Variants in PCDHGA5 observed in about 807,000 individuals in gnomAD.
PCDHGA5 encodes protocadherin gamma subfamily A, 5.
In PCDHGA5, 36 loss-of-function variants were observed where a neutral mutation model predicts 56.7. The ratio of observed to expected loss-of-function variants is 0.64; its 90% CI spans 0.49 to 0.84. PCDHGA5 has a LOEUF of 0.84. PCDHGA5 is among the 40% of genes least tolerant of loss of function. The pLI, the probability that PCDHGA5 is intolerant of heterozygous loss-of-function variation, is 0.00. For missense variants in PCDHGA5, 1,305 were observed against 1,201.5 expected (o/e 1.09, Z -1.27); for synonymous variants, 563 against 520.2 (o/e 1.08, Z -1.12).
intron 1 of PCDHGA5, chr5:141,478,260 T>C (rs1340624663): frequency 6.2e-7 from 1 of 1,614,182 alleles, no homozygotes; most frequent in East Asian, 2.2e-5. Context: ...GTAATCATAT[T>C]CAAAGTTTAC....
rs754329108 is a variant in PCDHGA5 at position 141,408,309 on chromosome 5, C to T, written c.2421+41558C>T. 1.8e-5 allele frequency: 29 copies of T among 1,613,698 alleles called. No individual in the cohort carries two copies. The highest frequency in any genetic ancestry group is 2.0e-5 in the Non-Finnish European group (24 of 1,179,730). On this transcript the variant is annotated intron_variant, in intron 1 of 3. Transcript: ENST00000518069. ...ACCCTGAGTGAGCCGATCCGCTACT[C>T]GATTCCGGAGGAGCTGGCCAAGGGC...
chr5:141,402,955 G>A (rs753305536), intron 1 of PCDHGA5: 3 of 1,601,910 alleles, frequency 1.9e-6, no homozygotes, highest in Non-Finnish European at 2.6e-6. Context: ...AGGCAGCAAT[G>A]GCAGCTCCAA....
intron 1 of PCDHGA5, chr5:141,375,727 G>T (rs1771811677): frequency 6.2e-7 from 1 of 1,614,262 alleles, no homozygotes; most frequent in East Asian, 2.2e-5. Flanking sequence ...ACGTGTCACT[G>T]AGCCTGTTTG....
intron 1 of PCDHGA5, chr5:141,428,329 A>G (rs928788851): frequency 4.8e-6 from 3 of 627,180 alleles, no homozygotes; most frequent in South Asian, 3.5e-5. Context: ...CTTGATTTCT[A>G]TGCTCTTCTT....
intron 1 of PCDHGA5, 88 bp from the exon 2 acceptor site, chr5:141,494,719 C>T: frequency 6.2e-7 from 1 of 1,605,960 alleles, no homozygotes; most frequent in Non-Finnish European, 8.5e-7. Flanking sequence ...CCACTCCCCT[C>T]CTTCTCTCCC....
At chr5:141,398,905 A>C in intron 1 of PCDHGA5, 1 of 1,613,984 alleles carries the variant, frequency 6.2e-7, no homozygotes, top group Non-Finnish European at 8.5e-7. Context: ...ACCAGGCACC[A>C]CTGTGTTGCA....
intron 1 of PCDHGA5, chr5:141,478,852 A>G (rs2099480601): frequency 7.3e-7 from 1 of 1,367,502 alleles, no homozygotes; most frequent in African/African-American, 1.5e-5. Flanking sequence ...GCTAAAACAC[A>G]AGATCTCAGC....
At chr5:141,375,572 CA>C in intron 1 of PCDHGA5, 2 of 1,614,102 alleles carry the variant, frequency 1.2e-6, no homozygotes, top group Non-Finnish European at 1.7e-6. Flanking sequence ...AGACACCCTC[CA>C]GGGGGCGCCC....
chr5:141,511,361 G>C lies in PCDHGA5; in HGVS notation c.*188G>C, dbSNP rs2099883750. 7.4e-7 allele frequency: 1 copy of C among 1,345,388 alleles called. No individual in the cohort carries two copies. Among genetic ancestry groups the C allele is most frequent in the Non-Finnish European group, 9.9e-7 (1 of 1,006,550 alleles). The allele number at this position is 1,345,388 out of a possible 1,614,324, so 83.3% of individuals were successfully genotyped here. On this transcript the variant is annotated 3_prime_UTR_variant, in exon 4 of 4. Transcript: ENST00000518069. ...CCTACCCCTTCCCCCCCAGGGGGTTGAATATGCAAAAGCAGTTCCGCTGGG... is the reference window on the plus strand; with the variant it reads ...CCTACCCCTTCCCCCCCAGGGGGTTCAATATGCAAAAGCAGTTCCGCTGGG...
chr5:141,489,178 C>T lies in PCDHGA5; in HGVS notation c.2422-5629C>T, dbSNP rs909255357. ...GAGACTTCAGCTGCTGCATTCCAAG[C>T]CCTGGGTCTACCTTGGAGACAGGAC... On this transcript the variant is annotated intron_variant, in intron 1 of 3. Transcript: ENST00000518069. This position sits in a 1 kb window ranked among gnomAD's most constrained non-coding sequence, Gnocchi z 4.5. 54 of 1,234,872 alleles carry T rather than the reference C, an allele frequency of 4.4e-5. 1 individual carries two copies. In the East Asian group the frequency reaches 1.2e-3, roughly 29 times the overall value. 76.5% of individuals were successfully genotyped at this position (1,234,872 alleles called of 1,614,324 possible). A position where few individuals can be genotyped will look rare whatever the true frequency, so the allele number is the denominator to read the frequency against.
intron 1 of PCDHGA5, chr5:141,385,245 G>A: frequency 6.2e-7 from 1 of 1,613,932 alleles, no homozygotes; most frequent in Non-Finnish European, 8.5e-7. Context: ...TCATCAGCCA[G>A]GAGAGCTGTG....
chr5:141,432,104 C>T lies in PCDHGA5; in HGVS notation c.2422-62703C>T. The stretch of plus-strand genomic sequence containing the variant: ...GAACGTGGCAGACACCAACGACAAC[C>T]CGCCGGTCTTCCCTCAGGCCTCCTA... On this transcript the variant is annotated intron_variant, in intron 1 of 3. Coordinates refer to ENST00000518069, the MANE Select transcript of PCDHGA5 (RefSeq NM_018918.3). This position sits in a 1 kb window ranked among gnomAD's most constrained non-coding sequence, Gnocchi z 6.0. 1 of 1,614,204 alleles carries T rather than the reference C, an allele frequency of 6.2e-7. No individual in the cohort carries two copies. The highest frequency in any genetic ancestry group is 1.7e-5 in the Admixed American group (1 of 60,026).
Position 141,491,992 on chromosome 5 carries a change from T to G in PCDHGA5, c.2422-2815T>G. ...GGCCTCCTTCGAGCTTCCGGTGAAT[T>G]TCGGGCGATTTCCGCGGGTGTCGGG... On this transcript the variant is annotated intron_variant, in intron 1 of 3. Transcript: ENST00000518069. This position sits in a 1 kb window ranked among gnomAD's most constrained non-coding sequence, Gnocchi z 6.9. The G allele has an allele frequency of 1.5e-6, 1 of 684,982 alleles. No homozygotes were observed. The highest frequency in any genetic ancestry group is 2.3e-6 in the Non-Finnish European group (1 of 443,370). The allele number at this position is 684,982 out of a possible 1,614,324, so 42.4% of individuals were successfully genotyped here.
Position 141,395,354 on chromosome 5 carries a change from T to A in PCDHGA5, c.2421+28603T>A, listed in dbSNP as rs375237289. ...ATAATTTTTAAGGTGTATCACAGAG[T>A]TTTGGGTTTATTTTGGTGGTGTTAC... On this transcript the variant is annotated intron_variant, in intron 1 of 3. Coordinates refer to ENST00000518069, the MANE Select transcript of PCDHGA5 (RefSeq NM_018918.3). 28 of 1,357,052 alleles carry A rather than the reference T, an allele frequency of 2.1e-5. No homozygotes were observed. The Middle Eastern group carries it at 1.0e-3, about 51-fold the overall frequency. 84.1% of individuals were successfully genotyped at this position (1,357,052 alleles called of 1,614,324 possible).
rs770828917 is a variant in PCDHGA5 at position 141,431,306 on chromosome 5, C to G, written c.2422-63501C>G. ...GAACACTCACTTCTCCCTCATCGTG[C>G]AAAATGGAGCCGACGGTAGTAAGTA... On this transcript the variant is annotated intron_variant, in intron 1 of 3. Transcript: ENST00000518069. The surrounding 1 kb of genome is among the most constrained non-coding windows in gnomAD (Gnocchi z 4.8). 6.2e-7 allele frequency: 1 copy of G among 1,614,124 alleles called. No homozygotes were observed. The highest frequency in any genetic ancestry group is 2.2e-5 in the East Asian group (1 of 44,878).
At chr5:141,371,158 T>C in intron 1 of PCDHGA5, 1 of 1,614,040 alleles carries the variant, frequency 6.2e-7, no homozygotes, top group Non-Finnish European at 8.5e-7. Context: ...GCAGAGAACC[T>C]GCCCGCTGGC....
chr5:141,476,952 T>A lies in PCDHGA5; in HGVS notation c.2422-17855T>A, dbSNP rs1463851594. On this transcript the variant is annotated intron_variant, in intron 1 of 3. Transcript: ENST00000518069. This position sits in a 1 kb window ranked among gnomAD's most constrained non-coding sequence, Gnocchi z 7.6. ...CTGGATGAAGGCCCCAACGGTGAAA[T>A]TATTTACTCCTTCGGCAGCCACAAC... 1 of 1,614,052 alleles carries A rather than the reference T, an allele frequency of 6.2e-7. No individual in the cohort carries two copies. Among genetic ancestry groups the A allele is most frequent in the Non-Finnish European group, 8.5e-7 (1 of 1,180,038 alleles).
chr5:141,431,776 C>T lies in PCDHGA5; in HGVS notation c.2422-63031C>T. 6.2e-7 allele frequency: 1 copy of T among 1,614,228 alleles called. No individual in the cohort carries two copies. The stretch of plus-strand genomic sequence containing the variant: ...CCAAAGTCCTGATCACTGTTCTGGA[C>T]GTGAACGACAATGCCCCAGAAGTGG... On this transcript the variant is annotated intron_variant, in intron 1 of 3. Coordinates refer to ENST00000518069, the MANE Select transcript of PCDHGA5 (RefSeq NM_018918.3). The surrounding 1 kb of genome is among the most constrained non-coding windows in gnomAD (Gnocchi z 4.8).
intron 1 of PCDHGA5, chr5:141,371,970 C>T: frequency 6.2e-7 from 1 of 1,613,250 alleles, no homozygotes; most frequent in East Asian, 2.2e-5. Context: ...CGAGCAGCTG[C>T]GTGCCTTCGA....
Sources: gnomAD v4.1 joint callset for allele counts on GRCh38, gnomAD v4.1.1 for gene constraint, Gnocchi (gnomAD v3.1) non-coding constraint, MANE v1.5 for transcripts, NCBI Gene and HGNC (gene_info 2026-07-23, HGNC 2026-07-21) for gene names.